IGSF3: variants seen among roughly 807,000 people sequenced by gnomAD.
IGSF3 encodes the protein immunoglobulin superfamily member 3.
IGSF3 carries 23 observed loss-of-function variants against 114.4 expected under a neutral mutation model. The observed-to-expected ratio is 0.20, with a 90% CI of 0.14 to 0.28. The LOEUF is 0.28. Among genes scored for constraint, IGSF3 ranks in the 10% least tolerant of loss-of-function variants. The probability of loss-of-function intolerance (pLI) is 1.00; values close to 1 mark genes in which losing one functional copy is unlikely to be tolerated. For synonymous variants in IGSF3, 571 were observed against 645.2 expected, an observed-to-expected ratio of 0.88 and a Z score of 1.74; for missense variants, 1,172 against 1,591.5, an observed-to-expected ratio of 0.74 and a Z score of 4.48.
chr1:116,622,081 G>A (rs1282402964), intron 2 of IGSF3, among the ~76,000 whole-genome samples: 2 of 152,116 alleles, frequency 1.3e-5, no homozygotes, highest in Non-Finnish European at 2.9e-5. Context: ...ATATGTTCAA[G>A]ATGCGTGACT....
rs2101513230 is a variant in IGSF3 at position 116,618,469 on chromosome 1, T to C, written c.44-2012A>G. On this transcript the variant is annotated intron_variant, in intron 2 of 10. Coordinates refer to ENST00000369486, the MANE Select transcript of IGSF3 (RefSeq NM_001007237.3). The surrounding 1 kb of genome is among the most constrained non-coding windows in gnomAD (Gnocchi z 4.7). ...GATCCTGTAAGATTATAATGGAGCA[T>C]ATATAGAGATCTAATATATGGCACT... 6.6e-6 allele frequency among the ~76,000 whole-genome samples: 1 copy of C among 152,340 alleles called. No individual in the cohort carries two copies. The highest frequency in any genetic ancestry group is 2.4e-5 in the African/African-American group (1 of 41,574).
At chr1:116,659,598 C>CT (rs552335742) in intron 2 of IGSF3, among the ~76,000 whole-genome samples, 89 of 146,966 alleles carry the variant, frequency 6.1e-4, no homozygotes, top group Admixed American at 3.1e-3. Context: ...GAGGAACTCC[C>CT]TTTTTTTTTT....
Position 116,628,552 on chromosome 1 carries a change from A to G in IGSF3, c.44-12095T>C, listed in dbSNP as rs1311726504. Among the ~76,000 whole-genome samples, 1 of 152,164 alleles carries G rather than the reference A, an allele frequency of 6.6e-6. No individual in the cohort carries two copies. Among genetic ancestry groups the G allele is most frequent in the Non-Finnish European group, 1.5e-5 (1 of 68,034 alleles). ...ACCACTTTGGGCAACAGGGACTGTG[A>G]AGGGCCCCCAAACCATTCCCCACCA... On this transcript the variant is annotated intron_variant, in intron 2 of 10. Coordinates refer to ENST00000369486, the MANE Select transcript of IGSF3 (RefSeq NM_001007237.3). This position sits in a 1 kb window ranked among gnomAD's most constrained non-coding sequence, Gnocchi z 4.2.
rs1327881292 is a variant in IGSF3 at position 116,643,100 on chromosome 1, A to C, written c.43+23184T>G. Among the ~76,000 whole-genome samples the C allele has an allele frequency of 2.0e-5, 3 of 152,320 alleles. No individual in the cohort carries two copies. The East Asian group carries it at 5.8e-4, about 29-fold the overall frequency. ...GGGATGGGGGAGAGGCACCAGGGTCATGGTGCAGGCTCCGCTGTTGAGTCT... is the reference window on the plus strand; with the variant it reads ...GGGATGGGGGAGAGGCACCAGGGTCCTGGTGCAGGCTCCGCTGTTGAGTCT... On this transcript the variant is annotated intron_variant, in intron 2 of 10. Coordinates refer to ENST00000369486, the MANE Select transcript of IGSF3 (RefSeq NM_001007237.3).
In IGSF3 at chr1:116,627,096, G is replaced by C. The variant is rs745609411; in HGVS notation, c.44-10639C>G. On this transcript the variant is annotated intron_variant, in intron 2 of 10. Coordinates refer to ENST00000369486, the MANE Select transcript of IGSF3 (RefSeq NM_001007237.3). The surrounding 1 kb of genome is among the most constrained non-coding windows in gnomAD (Gnocchi z 4.7). ...ATTACTCTGACCGCTCTTTCTTTCC[G>C]TCCGGTTTTGGAGATAACAGAAATA... 6.6e-6 allele frequency among the ~76,000 whole-genome samples: 1 copy of C among 151,918 alleles called. No homozygotes were observed. Among genetic ancestry groups the C allele is most frequent in the East Asian group, 1.9e-4 (1 of 5,180 alleles).
In IGSF3 at chr1:116,598,274, G is replaced by A. The variant is rs1660422422; in HGVS notation, c.2029+1667C>T. ...GCCAGAGGGGACAAAAAAAAAAGGT[G>A]CAATTACAATCCTAATGTCCCACTC... On this transcript the variant is annotated intron_variant, in intron 7 of 10. Coordinates refer to ENST00000369486, the MANE Select transcript of IGSF3 (RefSeq NM_001007237.3). This position sits in a 1 kb window ranked among gnomAD's most constrained non-coding sequence, Gnocchi z 4.3. Among the ~76,000 whole-genome samples, 1 of 152,106 alleles carries A rather than the reference G, an allele frequency of 6.6e-6. No individual in the cohort carries two copies. Among genetic ancestry groups the A allele is most frequent in the African/African-American group, 2.4e-5 (1 of 41,394 alleles).
At chr1:116,645,342 G>C (rs1273767096) in intron 2 of IGSF3, among the ~76,000 whole-genome samples, 3 of 152,228 alleles carry the variant, frequency 2.0e-5, no homozygotes, top group Admixed American at 6.5e-5. Flanking sequence ...CTGAGGCTGG[G>C]GTCCTGGAGG....
In IGSF3 at chr1:116,584,880, G is replaced by A. The variant is rs766535329; in HGVS notation, c.2613C>T (p.Ser871=). The A allele has an allele frequency of 9.3e-6, 15 of 1,614,100 alleles. No homozygotes were observed. Among genetic ancestry groups the A allele is most frequent in the Non-Finnish European group, 1.2e-5 (14 of 1,180,046 alleles). The change falls in exon 9 of 11, where the codon AGC becomes AGT. Residue 871 remains serine (S), a synonymous_variant. Coordinates refer to ENST00000369486, the MANE Select transcript of IGSF3 (RefSeq NM_001007237.3). The surrounding 1 kb of genome is among the most constrained non-coding windows in gnomAD (Gnocchi z 5.8). ...HPERETVARL[S]RDATFHYGEQ... ...CTCCATAGTGGAAGGTGGCGTCACG[G>A]CTCAAGCGGGCCACAGTCTCCCGCT... is the stretch of plus-strand genomic sequence containing the variant.
At position 116,583,758 on chromosome 1, in the gene IGSF3, G is replaced by A. The variant is rs1276391816; in HGVS notation, c.2848+887C>T. Among the ~76,000 whole-genome samples, 1 of 152,124 alleles carries A rather than the reference G, an allele frequency of 6.6e-6. No homozygotes were observed. The highest frequency in any genetic ancestry group is 2.4e-5 in the African/African-American group (1 of 41,402). Reference sequence around the variant, plus strand: ...ATGTTGCAAAGGACATGGGAATCCTGCACATCGTAGCTTTGATTATGTGTT... The same window carrying A: ...ATGTTGCAAAGGACATGGGAATCCTACACATCGTAGCTTTGATTATGTGTT... On this transcript the variant is annotated intron_variant, in intron 9 of 10. Coordinates refer to ENST00000369486, the MANE Select transcript of IGSF3 (RefSeq NM_001007237.3). This position sits in a 1 kb window ranked among gnomAD's most constrained non-coding sequence, Gnocchi z 4.5.
At chr1:116,641,791 C>T (rs1001365128) in intron 2 of IGSF3, among the ~76,000 whole-genome samples, 12 of 151,234 alleles carry the variant, frequency 7.9e-5, no homozygotes, top group Non-Finnish European at 4.4e-5. Flanking sequence ...TTATCAAATT[C>T]GTGTGTCTGA....
chr1:116,616,545 T>A lies in IGSF3; in HGVS notation c.44-88A>T. 2 of 1,169,388 alleles carry A rather than the reference T, an allele frequency of 1.7e-6. No individual in the cohort carries two copies. The highest frequency in any genetic ancestry group is 2.4e-6 in the Non-Finnish European group (2 of 824,900). The allele number at this position is 1,169,388 out of a possible 1,614,324, so 72.4% of individuals were successfully genotyped here. ...CCAGCAATCTCCAAAGGGTTTGTTA[T>A]TTGTGTGACATGATAATAATATAAA... On this transcript the variant is annotated intron_variant, in intron 2 of 10. Coordinates refer to ENST00000369486, the MANE Select transcript of IGSF3 (RefSeq NM_001007237.3). This position sits in a 1 kb window ranked among gnomAD's most constrained non-coding sequence, Gnocchi z 6.6.
At position 116,614,558 on chromosome 1, in the gene IGSF3, G is replaced by A. The variant is rs539684744; in HGVS notation, c.422-383C>T. Among the ~76,000 whole-genome samples, 1 of 152,166 alleles carries A rather than the reference G, an allele frequency of 6.6e-6. No individual in the cohort carries two copies. Among genetic ancestry groups the A allele is most frequent in the Non-Finnish European group, 1.5e-5 (1 of 68,030 alleles). On this transcript the variant is annotated intron_variant, in intron 3 of 10. Transcript: ENST00000369486. This position sits in a 1 kb window ranked among gnomAD's most constrained non-coding sequence, Gnocchi z 4.5. ...AGATACTTTAACTTCACTTCTGACT[G>A]ATCCTGTAATGGAAATGCCTCCTGG... is the stretch of plus-strand genomic sequence containing the variant.
intron 2 of IGSF3, among the ~76,000 whole-genome samples, chr1:116,641,022 G>A (rs1222107979): frequency 6.6e-6 from 1 of 152,150 alleles, no homozygotes; most frequent in African/African-American, 2.4e-5. Context: ...TCATTAACAC[G>A]TGGGAATACA....
chr1:116,593,978 T>C lies in IGSF3; in HGVS notation c.2030-4874A>G, dbSNP rs1348992671. On this transcript the variant is annotated intron_variant, in intron 7 of 10. Coordinates refer to ENST00000369486, the MANE Select transcript of IGSF3 (RefSeq NM_001007237.3). The surrounding 1 kb of genome is among the most constrained non-coding windows in gnomAD (Gnocchi z 4.5). ...ATGACATTCATATGGGCAAAAATTA[T>C]GCCTCTGGGCCTAGAACCTACTTTC... 6.6e-6 allele frequency among the ~76,000 whole-genome samples: 1 copy of C among 152,278 alleles called. No homozygotes were observed. Among genetic ancestry groups the C allele is most frequent in the Non-Finnish European group, 1.5e-5 (1 of 68,048 alleles).
rs1659342702 is a variant in IGSF3 at position 116,576,382 on chromosome 1, T to C, written c.*930A>G. On this transcript the variant is annotated 3_prime_UTR_variant, in exon 11 of 11. Coordinates refer to ENST00000369486, the MANE Select transcript of IGSF3 (RefSeq NM_001007237.3). The surrounding 1 kb of genome is among the most constrained non-coding windows in gnomAD (Gnocchi z 4.6). The stretch of plus-strand genomic sequence containing the variant: ...CTCACAGTTAATCAGTTAGAGACCA[T>C]CCTTGCAGCTCAGAGCAAGCCAACA... 1 of 152,656 alleles carries C rather than the reference T, an allele frequency of 6.6e-6. No homozygotes were observed. Among genetic ancestry groups the C allele is most frequent in the Admixed American group, 6.5e-5 (1 of 15,274 alleles). 9.5% of individuals were successfully genotyped at this position (152,656 alleles called of 1,614,324 possible).
chr1:116,663,606 G>C (rs1324829340), intron 2 of IGSF3, among the ~76,000 whole-genome samples: 1 of 151,980 alleles, frequency 6.6e-6, no homozygotes, highest in East Asian at 1.9e-4. Flanking sequence ...ACAAAGGGTA[G>C]GACAAAGACA....
chr1:116,577,688 T>C lies in IGSF3; in HGVS notation c.3335-126A>G. ...GTGACACTCCCACACCACCTTGTCT[T>C]TCCCCTGCTACCATTAATGGTGGAA... On this transcript the variant is annotated intron_variant, in intron 10 of 10. Coordinates refer to ENST00000369486, the MANE Select transcript of IGSF3 (RefSeq NM_001007237.3). The surrounding 1 kb of genome is among the most constrained non-coding windows in gnomAD (Gnocchi z 5.7). The C allele has an allele frequency of 1.3e-6, 1 of 792,900 alleles. No homozygotes were observed. Among genetic ancestry groups the C allele is most frequent in the Middle Eastern group, 3.4e-4 (1 of 2,974 alleles). 49.1% of individuals were successfully genotyped at this position (792,900 alleles called of 1,614,324 possible). A position where few individuals can be genotyped will look rare whatever the true frequency, so the allele number is the denominator to read the frequency against.
chr1:116,601,458 T>A (rs546446057), intron 6 of IGSF3, among the ~76,000 whole-genome samples: 1 of 152,304 alleles, frequency 6.6e-6, no homozygotes, highest in Non-Finnish European at 1.5e-5. Flanking sequence ...TTCCAATCTG[T>A]AAAATGAGTC....
intron 2 of IGSF3, among the ~76,000 whole-genome samples, chr1:116,659,594 C>CT (rs1649025903): frequency 6.6e-6 from 1 of 152,070 alleles, no homozygotes; most frequent in South Asian, 2.1e-4. Flanking sequence ...AAATGAGGAA[C>CT]TCCCTTTTTT....
Sources: gnomAD v4.1 joint callset for allele counts (sites outside exome capture counted in the v4.1 genomes callset) on GRCh38, gnomAD v4.1.1 for gene constraint, Gnocchi (gnomAD v3.1) non-coding constraint, MANE v1.5 for transcripts, NCBI Gene and HGNC (gene_info 2026-07-23, HGNC 2026-07-21) for gene names.